The following MMD2 variants were observed in gnomAD, a reference collection of about 807,000 sequenced individuals.
MMD2 encodes the protein monocyte to macrophage differentiation factor 2.
In MMD2, 30 loss-of-function variants were observed where a neutral mutation model predicts 33.5. The observed-to-expected ratio is 0.90, with a 90% CI of 0.67 to 1.22. The LOEUF (loss-of-function observed/expected upper bound fraction) is 1.22. Among genes scored for constraint, MMD2 ranks in the 50% most tolerant of loss-of-function variants. The probability of loss-of-function intolerance (pLI) is 0.00; values close to 1 mark genes in which losing one functional copy is unlikely to be tolerated. For synonymous variants in MMD2, 129 were observed against 123.0 expected (o/e 1.05, Z -0.32); for missense variants, 364 against 325.4 (o/e 1.12, Z -0.91).
intron 2 of MMD2, among the ~76,000 whole-genome samples, chr7:4,923,753 A>G (rs1418706713): frequency 6.6e-6 from 1 of 152,118 alleles, no homozygotes; most frequent in Admixed American, 6.6e-5. Flanking sequence ...CCGAGCCCCT[A>G]CGATGCACAC....
At chr7:4,945,185 TTTCTTCTTCTTC>T (rs778065489) in intron 1 of MMD2, among the ~76,000 whole-genome samples, 119 of 93,538 alleles carry the variant, frequency 1.3e-3, no homozygotes, top group African/African-American at 3.9e-3. Context: ...CCTCTTCCTC[TTTCTTCTTCTTC>T]TTCTTCTTCT....
chr7:4,912,684 A>C (rs1331748625), intron 4 of MMD2, among the ~76,000 whole-genome samples: 1 of 151,820 alleles, frequency 6.6e-6, no homozygotes, highest in African/African-American at 2.4e-5. Context: ...GGGTCCTTTA[A>C]GTTTTTTCTG....
intron 1 of MMD2, among the ~76,000 whole-genome samples, chr7:4,936,559 T>C (rs965445977): frequency 5.9e-5 from 9 of 152,252 alleles, no homozygotes; most frequent in African/African-American, 2.2e-4. Flanking sequence ...TTTTATTTCA[T>C]TACTAATTTA....
At chr7:4,942,704 G>C (rs4720446) in intron 1 of MMD2, among the ~76,000 whole-genome samples, 138,906 of 151,778 alleles carry the variant, frequency 0.92, 63,716 homozygotes, top group East Asian at 1. Context: ...CCTCTGCCTC[G>C]CGGGTTCAAG....
rs973829018 is a variant in MMD2, at chr7:4,940,136, C to G, written c.48-14604G>C. 6.6e-5 allele frequency among the ~76,000 whole-genome samples: 10 copies of G among 152,164 alleles called. No individual in the cohort carries two copies. The highest frequency in any genetic ancestry group is 6.6e-5 in the Admixed American group (1 of 15,260). On this transcript the variant is annotated intron_variant, in intron 1 of 6. Coordinates refer to ENST00000401401, the MANE Select transcript of MMD2 (RefSeq NM_198403.4). The surrounding 1 kb of genome is among the most constrained non-coding windows in gnomAD (Gnocchi z 5.0). ...TGGCTGCCCTTGACGGTAGTGAGGA[C>G]TGACTAATGGGGTGTGAAGGGGTTC...
At chr7:4,911,364 A>T (rs1785003715) in intron 4 of MMD2, 118 bp from the exon 5 acceptor site, 2 of 723,246 alleles carry the variant, frequency 2.8e-6, no homozygotes, top group African/African-American at 1.8e-5. Flanking sequence ...CTGTGACTCC[A>T]CGGCTGGGAC....
chr7:4,945,216 T>TTCTTCTTCTTCTTCTTCTTCTTCTTCC (rs1786036725), intron 1 of MMD2, among the ~76,000 whole-genome samples: 1 of 145,260 alleles, frequency 6.9e-6, no homozygotes, highest in Non-Finnish European at 1.5e-5. Flanking sequence ...CTTCTTCTTC[T>TTCTTCTTCTTCTTCTTCTTCTTCTTCC]TCTTCTTCTT....
In MMD2 at chr7:4,920,153, C is replaced by G. The variant is rs986369665; in HGVS notation, c.290+18G>C. ...CCGACCCCCTACCCGGCATGGGTCC[C>G]CTCTGGGCGGGAGGCACCTGAGGTG... On this transcript the variant is annotated intron_variant, in intron 3 of 6. Transcript: ENST00000401401. The G allele has an allele frequency of 4.5e-6, 7 of 1,552,932 alleles. No individual in the cohort carries two copies. The highest frequency in any genetic ancestry group is 1.7e-4 in the Middle Eastern group (1 of 5,924).
chr7:4,942,450 T>TTTTTAATTAAATTAAATG (rs1785937385), intron 1 of MMD2, among the ~76,000 whole-genome samples: 2 of 151,170 alleles, frequency 1.3e-5, no homozygotes, highest in African/African-American at 4.9e-5. Context: ...TTTAATTAAT[T>TTTTTAATTAAATTAAATG]AGAAATGGAG....
At chr7:4,894,753 G>C in the MMD2 span, among the ~76,000 whole-genome samples, 1 of 152,110 alleles carries the variant, frequency 6.6e-6, no homozygotes, top group African/African-American at 2.4e-5. The surrounding 1 kb of genome is among the most constrained non-coding windows in gnomAD (Gnocchi z 4.3). Context: ...TCTCTGGTGG[G>C]AGCAGGCTCT....
At chr7:4,901,039 C>A (rs113314047), downstream of MMD2, among the ~76,000 whole-genome samples, 1,276 of 152,032 alleles carry the variant, frequency 8.4e-3, 11 homozygotes, top group African/African-American at 0.029. Context: ...ACTCGGGAGG[C>A]TGAGGCACAA....
downstream of MMD2, among the ~76,000 whole-genome samples, chr7:4,902,537 C>G (rs934650601): frequency 2.0e-5 from 3 of 152,192 alleles, no homozygotes; most frequent in African/African-American, 7.2e-5. Context: ...ATCTAGAAAC[C>G]ACCAAGGGAG....
At chr7:4,921,981 T>G (rs1230668337) in intron 2 of MMD2, among the ~76,000 whole-genome samples, 2 of 152,008 alleles carry the variant, frequency 1.3e-5, no homozygotes, top group Non-Finnish European at 2.9e-5. Context: ...TCCCAGCGCT[T>G]TGGGAGGCTG....
chr7:4,908,146 TG>T (rs1219710650), intron 6 of MMD2, among the ~76,000 whole-genome samples: 121 of 144,906 alleles, frequency 8.4e-4, no homozygotes, highest in African/African-American at 2.9e-3. Context: ...TATCTGGTTT[TG>T]TTTTTTTTTT....
chr7:4,911,008 G>C (rs1201543717), intron 5 of MMD2, 137 bp downstream of exon 5: 2 of 716,294 alleles, frequency 2.8e-6, no homozygotes, highest in Non-Finnish European at 4.5e-6. Flanking sequence ...CCACCCATGA[G>C]CCTGAATGAC....
At chr7:4,904,075 A>G (rs300530), downstream of MMD2, among the ~76,000 whole-genome samples, 67,903 of 151,988 alleles carry the variant, frequency 0.45, 16,343 homozygotes, top group East Asian at 0.64. Flanking sequence ...TGAGATTACA[A>G]GCAGGTGCCA....
At chr7:4,896,637 T>C in the MMD2 span, among the ~76,000 whole-genome samples, 3 of 152,196 alleles carry the variant, frequency 2.0e-5, no homozygotes, top group Admixed American at 1.3e-4. Context: ...CAGACTCTAA[T>C]TCCTGGCCCG....
chr7:4,948,838 T>A (rs1012820643), intron 1 of MMD2, among the ~76,000 whole-genome samples: 1 of 152,188 alleles, frequency 6.6e-6, no homozygotes, highest in African/African-American at 2.4e-5. Flanking sequence ...TTTCTATGGT[T>A]TATAAGCCAC....
chr7:4,917,581 A>G (rs1785171932), intron 3 of MMD2, among the ~76,000 whole-genome samples: 1 of 152,090 alleles, frequency 6.6e-6, no homozygotes, highest in African/African-American at 2.4e-5. Flanking sequence ...AGTCCCAGCT[A>G]CTTGGGAGGA....
Sources: allele counts gnomAD v4.1 joint callset (sites outside exome capture counted in the v4.1 genomes callset), GRCh38; gene constraint gnomAD v4.1.1; non-coding constraint Gnocchi (gnomAD v3.1); transcripts MANE v1.5; gene names NCBI Gene and HGNC (gene_info 2026-07-23, HGNC 2026-07-21).